The following DHX8 variants were observed in gnomAD, a reference collection of about 807,000 sequenced individuals.
The protein encoded by DHX8 is ATP-dependent RNA helicase DHX8.
A neutral mutation model predicts 140.7 loss-of-function variants in DHX8; 67 were observed. The observed-to-expected ratio is 0.48, with a 90% CI of 0.39 to 0.58. DHX8 has a LOEUF of 0.58. Ranked by LOEUF, DHX8 falls within the 20% of genes least tolerant of loss-of-function variation. The pLI, the probability that DHX8 is intolerant of heterozygous loss-of-function variation, is 0.00. For synonymous variants in DHX8, 533 were observed against 553.2 expected, an observed-to-expected ratio of 0.96 and a Z score of 0.51; for missense variants, 887 against 1,550.7, an observed-to-expected ratio of 0.57 and a Z score of 7.19.
At chr17:43,537,539 T>C (rs1598209075) in intron 3 of DHX8, among the ~76,000 whole-genome samples, 1 of 144,986 alleles carries the variant, frequency 6.9e-6, no homozygotes, top group Non-Finnish European at 1.5e-5. Context: ...TACTAAAAAA[T>C]TAAAAAATTA....
chr17:43,521,978 G>C (rs1970392322), intron 21 of DHX8, 69 bp from the exon 22 acceptor site: 2 of 1,533,008 alleles, frequency 1.3e-6, no homozygotes. Flanking sequence ...GGATGTGTTG[G>C]GCACTGTCAT....
Position 43,493,475 on chromosome 17 carries a change from T to C in DHX8, c.894T>C (p.Ser298=), listed in dbSNP as rs756596077. ...GGTGGGAAGGCCTGGTGCACATCTC[T>C]GAGCTCCGGCGGGAGGGTCGTGTGG... is the stretch of plus-strand genomic sequence containing the variant. The part of the protein sequence containing the change: ...RKRWEGLVHI[S]ELRREGRVAN... Residue 298 remains serine (S), a synonymous_variant, in exon 7 of 23, where the codon TCT becomes TCC. Transcript: ENST00000262415. The C allele has an allele frequency of 1.2e-6, 2 of 1,614,054 alleles. No homozygotes were observed. The highest frequency in any genetic ancestry group is 2.7e-5 in the African/African-American group (2 of 74,936).
rs1034395937 is a variant in DHX8, at chr17:43,524,519, C to A, written c.*672C>A. ...CCAGCCTTGTCTTTCAGCATCAGCA[C>A]TAGCCGGGCCGTGCTGGGGGATCAC... On this transcript the variant is annotated 3_prime_UTR_variant, in exon 23 of 23. Coordinates refer to ENST00000262415, the MANE Select transcript of DHX8 (RefSeq NM_004941.3). 3.4e-5 allele frequency: 34 copies of A among 986,718 alleles called. No individual in the cohort carries two copies. Among genetic ancestry groups the A allele is most frequent in the Admixed American group, 6.1e-5 (1 of 16,420 alleles). 61.1% of individuals were successfully genotyped at this position (986,718 alleles called of 1,614,324 possible). A position where few individuals can be genotyped will look rare whatever the true frequency, so the allele number is the denominator to read the frequency against.
intron 4 of DHX8, among the ~76,000 whole-genome samples, chr17:43,491,490 T>A (rs1968513408): frequency 6.6e-6 from 1 of 152,086 alleles, no homozygotes; most frequent in Admixed American, 6.6e-5. Context: ...GAATATGAAA[T>A]AAGGTTCTGG....
downstream of DHX8, among the ~76,000 whole-genome samples, chr17:43,531,078 G>A (rs1048993796): frequency 6.6e-6 from 1 of 152,186 alleles, no homozygotes; most frequent in African/African-American, 2.4e-5. Flanking sequence ...GCCTGGCTCA[G>A]GCTTATGCCC....
At chr17:43,530,478 C>T, downstream of DHX8, 3 of 1,293,630 alleles carry the variant, frequency 2.3e-6, no homozygotes, top group Non-Finnish European at 9.9e-7. Context: ...CTGTTTCCTG[C>T]GAGTTCAGGG....
intron 6 of DHX8, 51 bp from the exon 7 acceptor site, chr17:43,493,393 TG>T: frequency 6.3e-7 from 1 of 1,596,312 alleles, no homozygotes. Flanking sequence ...AGAAATTGGT[TG>T]GGGGAAAAAT....
At chr17:43,494,561 A>G (rs1206237729) in intron 8 of DHX8, among the ~76,000 whole-genome samples, 3 of 151,590 alleles carry the variant, frequency 2.0e-5, no homozygotes, top group African/African-American at 7.3e-5. Context: ...CTCCACTAAA[A>G]ATACAAAAAA....
At chr17:43,492,501 A>G (rs578212450) in intron 5 of DHX8, among the ~76,000 whole-genome samples, 180 bp from the exon 6 acceptor site, 1 of 152,310 alleles carries the variant, frequency 6.6e-6, no homozygotes, top group East Asian at 1.9e-4. Flanking sequence ...AAAGAGGCTG[A>G]ATATGTTTGT....
At chr17:43,491,480 G>A (rs2154586348) in intron 4 of DHX8, among the ~76,000 whole-genome samples, 1 of 152,194 alleles carries the variant, frequency 6.6e-6, no homozygotes, top group South Asian at 2.1e-4. Context: ...TAGTGATTAG[G>A]AATATGAAAT....
At chr17:43,484,255 GAAA>G (rs1967985997) in intron 1 of DHX8, 70 bp downstream of exon 1, 1 of 1,511,562 alleles carries the variant, frequency 6.6e-7, no homozygotes, top group Admixed American at 1.8e-5. Context: ...GGAGGAAGGA[GAAA>G]GGTGGTTGAT....
At chr17:43,506,550 T>C (rs1244057243) in intron 12 of DHX8, among the ~76,000 whole-genome samples, 1 of 147,904 alleles carries the variant, frequency 6.8e-6, no homozygotes, top group Admixed American at 6.9e-5. Context: ...ATCCGGAAGG[T>C]GGAGGTTGCA....
intron 8 of DHX8, among the ~76,000 whole-genome samples, chr17:43,495,066 G>A (rs1271939116): frequency 2.6e-5 from 4 of 151,862 alleles, no homozygotes; most frequent in Non-Finnish European, 5.9e-5. Context: ...CTCCCACCTC[G>A]GCCTCCCAAA....
chr17:43,538,767 G>A (rs935623315), intron 3 of DHX8, among the ~76,000 whole-genome samples: 1 of 152,096 alleles, frequency 6.6e-6, no homozygotes, highest in Admixed American at 6.5e-5. Flanking sequence ...GTGGTTCTAG[G>A]GTGATGCAGT....
At chr17:43,502,798 G>T (rs1343403721) in intron 11 of DHX8, among the ~76,000 whole-genome samples, 1 of 152,096 alleles carries the variant, frequency 6.6e-6, no homozygotes, top group African/African-American at 2.4e-5. Context: ...ACAGTAGAAG[G>T]TTGGACATAT....
At chr17:43,522,331 A>C in intron 22 of DHX8, 105 bp downstream of exon 22, 1 of 1,100,128 alleles carries the variant, frequency 9.1e-7, no homozygotes, top group Admixed American at 2.7e-5. Context: ...AGTATGTCCT[A>C]GTATAACACT....
chr17:43,536,530 T>C, intron 3 of DHX8: 1 of 1,560,900 alleles, frequency 6.4e-7, no homozygotes, highest in South Asian at 1.1e-5. Flanking sequence ...GGTTGTCCCC[T>C]GGGAGGCTCC....
At chr17:43,533,882 A>T (rs775172939) in intron 2 of DHX8, 5 of 1,604,876 alleles carry the variant, frequency 3.1e-6, no homozygotes, top group Non-Finnish European at 3.4e-6. Context: ...ACTGCTCGCC[A>T]TGGTGGTAGG....
intron 1 of DHX8, 33 bp downstream of exon 1, chr17:43,484,218 T>G (rs1337849757): frequency 6.3e-7 from 1 of 1,589,982 alleles, no homozygotes; most frequent in South Asian, 1.1e-5. Flanking sequence ...GACCTCAGTT[T>G]GGGATTGAGG....
Sources: gnomAD v4.1 joint callset for allele counts (sites outside exome capture counted in the v4.1 genomes callset) on GRCh38, gnomAD v4.1.1 for gene constraint, MANE v1.5 for transcripts, NCBI Gene and HGNC (gene_info 2026-07-23, HGNC 2026-07-21) for gene names.